DEUP1: variants seen among roughly 807,000 people sequenced by gnomAD.
DEUP1 encodes the protein deuterosome assembly protein 1.
DEUP1 carries 82 observed loss-of-function variants against 87.4 expected under a neutral mutation model. That is an observed-to-expected ratio of 0.94 (90% CI 0.78 to 1.13). The LOEUF is 1.13. Ranked by LOEUF, DEUP1 falls within the 50% of genes most tolerant of loss-of-function variation. DEUP1 has a pLI of 0.00. For synonymous variants in DEUP1, 214 were observed against 222.7 expected (o/e 0.96, Z 0.35); for missense variants, 663 against 681.5 (o/e 0.97, Z 0.30).
At chr11:93,340,713 T>C (rs1281871347) in intron 2 of DEUP1, among the ~76,000 whole-genome samples, 2 of 152,170 alleles carry the variant, frequency 1.3e-5, no homozygotes, top group African/African-American at 4.8e-5. Flanking sequence ...GCTGACAATG[T>C]TATAGATCCT....
At chr11:93,383,443 G>C (rs1029912736) in intron 7 of DEUP1, 3 of 486,334 alleles carry the variant, frequency 6.2e-6, no homozygotes, top group Admixed American at 3.5e-5. Flanking sequence ...ACATAGATTA[G>C]TGGTTGCTAG....
intron 11 of DEUP1, 90 bp downstream of exon 11, chr11:93,396,415 G>C (rs1946948266): frequency 1.3e-6 from 1 of 781,164 alleles, no homozygotes; most frequent in East Asian, 2.9e-5. Flanking sequence ...AGCACTTGCT[G>C]TGTGTTAGAC....
At chr11:93,332,933 G>T (rs1943564189) in intron 2 of DEUP1, among the ~76,000 whole-genome samples, 1 of 152,196 alleles carries the variant, frequency 6.6e-6, no homozygotes, top group South Asian at 2.1e-4. Context: ...GGGTGAAGGG[G>T]TGGTTGTATA....
intron 5 of DEUP1, among the ~76,000 whole-genome samples, chr11:93,369,538 G>C (rs1945600433): frequency 6.6e-6 from 1 of 151,878 alleles, no homozygotes; most frequent in Non-Finnish European, 1.5e-5. Context: ...AACAATAAGT[G>C]ACAAATTCTG....
intron 7 of DEUP1, among the ~76,000 whole-genome samples, chr11:93,378,505 T>TTGGTA (rs1443238389): frequency 1.3e-5 from 2 of 152,100 alleles, no homozygotes; most frequent in Non-Finnish European, 2.9e-5. Context: ...TTTCTTAAAG[T>TTGGTA]TGGTATTCAC....
intron 1 of DEUP1, among the ~76,000 whole-genome samples, chr11:93,331,739 A>G (rs868414899): frequency 2.0e-5 from 3 of 152,212 alleles, no homozygotes; most frequent in Non-Finnish European, 4.4e-5. Context: ...CGTACCACAT[A>G]TTTCAATAAA....
intron 12 of DEUP1, among the ~76,000 whole-genome samples, chr11:93,414,416 A>G (rs977431349): frequency 6.6e-6 from 1 of 152,064 alleles, no homozygotes; most frequent in Non-Finnish European, 1.5e-5. Flanking sequence ...AGGAGACAGG[A>G]GAGTCTCTTG....
chr11:93,430,307 G>C (rs1256314618), intron 13 of DEUP1, among the ~76,000 whole-genome samples: 8 of 151,930 alleles, frequency 5.3e-5, no homozygotes, highest in African/African-American at 1.9e-4. Context: ...AGACACATAA[G>C]TAGTATGGTG....
At chr11:93,384,196 C>A (rs555182835) in intron 7 of DEUP1, among the ~76,000 whole-genome samples, 1 of 152,242 alleles carries the variant, frequency 6.6e-6, no homozygotes, top group African/African-American at 2.4e-5. Context: ...GTAGCTAATT[C>A]TTTCATTGCC....
intron 12 of DEUP1, among the ~76,000 whole-genome samples, chr11:93,412,028 A>T (rs775019993): frequency 6.6e-6 from 1 of 152,256 alleles, no homozygotes; most frequent in African/African-American, 2.4e-5. Flanking sequence ...GTTCTAGTAC[A>T]GGAAACAATG....
chr11:93,341,490 C>G (rs1381687166), intron 2 of DEUP1, among the ~76,000 whole-genome samples: 2 of 152,146 alleles, frequency 1.3e-5, no homozygotes, highest in Admixed American at 6.5e-5. Context: ...TGAAAACAAA[C>G]TAATACAGGC....
At chr11:93,384,362 A>G (rs1306668517) in intron 7 of DEUP1, among the ~76,000 whole-genome samples, 2 of 152,214 alleles carry the variant, frequency 1.3e-5, no homozygotes, top group Non-Finnish European at 2.9e-5. Context: ...AGCTAAATGC[A>G]TAAACTTGTC....
intron 2 of DEUP1, among the ~76,000 whole-genome samples, chr11:93,332,846 G>T (rs1008658624): frequency 6.6e-6 from 1 of 152,298 alleles, no homozygotes; most frequent in African/African-American, 2.4e-5. Flanking sequence ...CCTGCTACCT[G>T]CATCACAGAG....
chr11:93,417,437 C>T (rs574328724), intron 13 of DEUP1, among the ~76,000 whole-genome samples: 1 of 152,078 alleles, frequency 6.6e-6, no homozygotes, highest in African/African-American at 2.4e-5. Flanking sequence ...ACAATTGCTT[C>T]AAAGATAATA....
chr11:93,378,159 A>C (rs1172021179), intron 7 of DEUP1, among the ~76,000 whole-genome samples: 1 of 152,180 alleles, frequency 6.6e-6, no homozygotes. Context: ...GATCTCTAGC[A>C]AGGCCAGGGA....
At chr11:93,331,695 T>G (rs1346697569) in intron 1 of DEUP1, among the ~76,000 whole-genome samples, 1 of 152,222 alleles carries the variant, frequency 6.6e-6, no homozygotes, top group Non-Finnish European at 1.5e-5. Flanking sequence ...CAAGCTATTA[T>G]TCAATAAGTA....
chr11:93,349,753 C>T (rs1169524401), intron 2 of DEUP1, among the ~76,000 whole-genome samples: 3 of 151,168 alleles, frequency 2.0e-5, no homozygotes, highest in Admixed American at 2.0e-4. Context: ...TCTCTAGGAG[C>T]AATAGAAGGA....
intron 5 of DEUP1, among the ~76,000 whole-genome samples, chr11:93,365,328 T>C (rs1178532021): frequency 6.6e-6 from 1 of 152,088 alleles, no homozygotes; most frequent in Non-Finnish European, 1.5e-5. Context: ...TACATAGTTT[T>C]TTAAAAAAAC....
At chr11:93,381,177 A>G (rs1048487927) in intron 7 of DEUP1, among the ~76,000 whole-genome samples, 1 of 152,204 alleles carries the variant, frequency 6.6e-6, no homozygotes, top group African/African-American at 2.4e-5. Context: ...GTTGATTTGA[A>G]GGTTTAGAAT....
Sources: allele counts gnomAD v4.1 joint callset (sites outside exome capture counted in the v4.1 genomes callset), GRCh38; gene constraint gnomAD v4.1.1; transcripts MANE v1.5; gene names NCBI Gene and HGNC (gene_info 2026-07-23, HGNC 2026-07-21).